B3GALT5: variants seen among roughly 807,000 people sequenced by gnomAD.
The protein encoded by B3GALT5 is UDP-Gal:betaGlcNAc beta 1,3-galactosyltransferase, polypeptide 5.
For missense variants in B3GALT5, 328 were observed against 396.6 expected, an observed-to-expected ratio of 0.83 and a Z score of 1.47; for synonymous variants, 156 against 158.6, an observed-to-expected ratio of 0.98 and a Z score of 0.12.
rs144841557 is a variant in B3GALT5, at chr21:39,669,522, A to G, written c.*8030A>G. The G allele has an allele frequency of 2.6e-5, 4 of 152,252 alleles. No individual in the cohort carries two copies. The highest frequency in any genetic ancestry group is 9.6e-5 in the African/African-American group (4 of 41,534). The allele number at this position is 152,252 out of a possible 1,614,324, so 9.4% of individuals were successfully genotyped here. On this transcript the variant is annotated 3_prime_UTR_variant, in exon 4 of 4. Coordinates refer to ENST00000684187, the MANE Select transcript of B3GALT5 (RefSeq NM_001356336.2). ...CATACAGAGCTTTCACTGGGTAAAT[A>G]CACAATGCTGAGAAGATTATCAGGG... is the stretch of plus-strand genomic sequence containing the variant.
At chr21:39,639,347 T>TTTTTTTCCTTCCTTCCTTCC (rs2079260072) in intron 1 of B3GALT5, among the ~76,000 whole-genome samples, 24 of 66,786 alleles carry the variant, frequency 3.6e-4, no homozygotes, top group South Asian at 5.5e-4. Context: ...TCTTTCTTTC[T>TTTTTTTCCTTCCTTCCTTCC]TTCCTTCCTT....
At chr21:39,644,123 G>T (rs490561) in intron 1 of B3GALT5, among the ~76,000 whole-genome samples, 1 of 151,738 alleles carries the variant, frequency 6.6e-6, no homozygotes, top group Admixed American at 6.6e-5. Flanking sequence ...GTGGGTAAAT[G>T]GTCATTCATG....
intron 1 of B3GALT5, among the ~76,000 whole-genome samples, chr21:39,640,280 T>C (rs936511881): frequency 1.3e-5 from 2 of 152,118 alleles, no homozygotes; most frequent in African/African-American, 4.8e-5. Context: ...CGGTGTCTTG[T>C]GGTTGATAAG....
At position 39,639,446 on chromosome 21, in the gene B3GALT5, T is replaced by TTTTTTCTTTCTCTCTCTCTCTC. The variant is rs1292354982; in HGVS notation, c.-391-6945_-391-6944insTTTTCTTTCTCTCTCTCTCTCT. Reference sequence around the variant, plus strand: ...TTTCTTTCTTTCTTTCTTTCTTTCTTTCTTTCTTTTTTTCTTTCTCTCTCT... The same window carrying TTTTTTCTTTCTCTCTCTCTCTC: ...TTTCTTTCTTTCTTTCTTTCTTTCTTTTTTTCTTTCTCTCTCTCTCTCTCTTTCTTTTTTTCTTTCTCTCTCT... On this transcript the variant is annotated intron_variant, in intron 1 of 3. Coordinates refer to ENST00000684187, the MANE Select transcript of B3GALT5 (RefSeq NM_001356336.2). Among the ~76,000 whole-genome samples, 350 of 125,874 alleles carry TTTTTTCTTTCTCTCTCTCTCTC rather than the reference T, an allele frequency of 2.8e-3. 1 individual carries two copies. The highest frequency in any genetic ancestry group is 4.7e-3 in the Non-Finnish European group (264 of 56,696). 82.6% of individuals were successfully genotyped at this position (125,874 alleles called of 152,430 possible).
intron 2 of B3GALT5, among the ~76,000 whole-genome samples, chr21:39,656,433 C>G (rs2079445089): frequency 2.0e-5 from 3 of 152,212 alleles, no homozygotes; most frequent in African/African-American, 4.8e-5. Context: ...CCTTCAAGGA[C>G]CAGTGCAGAT....
At chr21:39,623,426 T>C (rs1488506484) in intron 1 of B3GALT5, among the ~76,000 whole-genome samples, 1 of 152,142 alleles carries the variant, frequency 6.6e-6, no homozygotes, top group Admixed American at 6.6e-5. Flanking sequence ...TTTTGTGTCC[T>C]GTATCCCTTG....
chr21:39,639,347 TTTCCTTCCTTCC>T (rs71184690), intron 1 of B3GALT5, among the ~76,000 whole-genome samples: 37 of 66,784 alleles, frequency 5.5e-4, no homozygotes, highest in East Asian at 3.9e-3. Context: ...TCTTTCTTTC[TTTCCTTCCTTCC>T]TTCCTTCCTT....
chr21:39,660,823 A>G lies in B3GALT5; in HGVS notation c.264A>G (p.Gly88=). 1.2e-6 allele frequency: 2 copies of G among 1,601,882 alleles called. No homozygotes were observed. The highest frequency in any genetic ancestry group is 1.7e-6 in the Non-Finnish European group (2 of 1,173,706). Residue 88 remains glycine (G), a synonymous_variant, in exon 4 of 4, where the codon GGA becomes GGG. Coordinates refer to ENST00000684187, the MANE Select transcript of B3GALT5 (RefSeq NM_001356336.2). ...QTWGKERMVK[G]KQLKTFFLLG... ...GGGGGAAAGAGAGGATGGTGAAGGG[A>G]AAGCAGCTGAAGACATTCTTCCTCC...
chr21:39,646,855 C>A (rs1193151247), intron 2 of B3GALT5, among the ~76,000 whole-genome samples: 1 of 152,126 alleles, frequency 6.6e-6, no homozygotes, highest in Non-Finnish European at 1.5e-5. Flanking sequence ...ATTTTCAGCA[C>A]TTTGGGAGAC....
chr21:39,617,756 A>G (rs775277327), intron 1 of B3GALT5, among the ~76,000 whole-genome samples: 2 of 152,202 alleles, frequency 1.3e-5, no homozygotes, highest in East Asian at 1.9e-4. Flanking sequence ...AGATTTTTTT[A>G]AAAGCTCATC....
At position 39,646,632 on chromosome 21, in the gene B3GALT5, A is replaced by C. The variant is rs1397394821; in HGVS notation, c.-161+10A>C. On this transcript the variant is annotated intron_variant, in intron 2 of 3. Transcript: ENST00000684187. ...TTGGCTAGTAAGAAAGGTGGGTGGT[A>C]TTCCAAGGTTTGTACCAAGAATTAA... 6.6e-6 allele frequency: 1 copy of C among 152,236 alleles called. No individual in the cohort carries two copies. Among genetic ancestry groups the C allele is most frequent in the Non-Finnish European group, 1.5e-5 (1 of 68,054 alleles). The allele number at this position is 152,236 out of a possible 1,614,324, so 9.4% of individuals were successfully genotyped here. A position where few individuals can be genotyped will look rare whatever the true frequency, so the allele number is the denominator to read the frequency against.
chr21:39,656,976 G>A, intron 2 of B3GALT5, among the ~76,000 whole-genome samples: 1 of 152,224 alleles, frequency 6.6e-6, no homozygotes, highest in Non-Finnish European at 1.5e-5. Flanking sequence ...CCAGAAGGGG[G>A]GCAGTGACCT....
intron 2 of B3GALT5, among the ~76,000 whole-genome samples, chr21:39,650,591 G>A (rs760498880): frequency 2.6e-5 from 4 of 152,130 alleles, no homozygotes; most frequent in Non-Finnish European, 4.4e-5. Context: ...TTCAACCAAG[G>A]GGACGCCACA....
At chr21:39,657,512 A>G (rs1020143961) in intron 2 of B3GALT5, 9 of 175,442 alleles carry the variant, frequency 5.1e-5, no homozygotes, top group Non-Finnish European at 8.4e-5. Flanking sequence ...TAGTTACACC[A>G]TTGGCATATC....
At chr21:39,617,542 A>G (rs959643933) in intron 1 of B3GALT5, among the ~76,000 whole-genome samples, 2 of 152,204 alleles carry the variant, frequency 1.3e-5, no homozygotes, top group Non-Finnish European at 2.9e-5. Flanking sequence ...TTCTCTCACT[A>G]TCAGGAGAAC....
At chr21:39,639,288 C>CTT (rs1491416648) in intron 1 of B3GALT5, among the ~76,000 whole-genome samples, 91 of 98,526 alleles carry the variant, frequency 9.2e-4, no homozygotes, top group Admixed American at 1.8e-3. Context: ...AGGCATCTGG[C>CTT]TCTTTCTTTC....
chr21:39,626,272 G>T (rs1023693921), intron 1 of B3GALT5, among the ~76,000 whole-genome samples: 2 of 152,154 alleles, frequency 1.3e-5, no homozygotes, highest in African/African-American at 4.8e-5. Context: ...GCTTTTTAGG[G>T]CAGAATAGTA....
chr21:39,638,258 T>C (rs1392704104), intron 1 of B3GALT5, among the ~76,000 whole-genome samples: 1 of 152,156 alleles, frequency 6.6e-6, no homozygotes, highest in Non-Finnish European at 1.5e-5. Context: ...ACCCCCATAC[T>C]GTGCCTGTAA....
At chr21:39,623,306 C>G (rs1006698629) in intron 1 of B3GALT5, among the ~76,000 whole-genome samples, 4 of 138,768 alleles carry the variant, frequency 2.9e-5, no homozygotes, top group Admixed American at 1.6e-4. Context: ...TTTCTCTTTT[C>G]TTGGGTAATT....
Sources: allele counts gnomAD v4.1 joint callset (sites outside exome capture counted in the v4.1 genomes callset), GRCh38; gene constraint gnomAD v4.1.1; transcripts MANE v1.5; gene names NCBI Gene and HGNC (gene_info 2026-07-23, HGNC 2026-07-21).